The following PRICKLE1 variants were observed in gnomAD, a reference collection of about 807,000 sequenced individuals.
The protein encoded by PRICKLE1 is prickle-like protein 1.
Under a neutral mutation model 70.2 loss-of-function variants are expected in PRICKLE1, and 14 were observed. That is an observed-to-expected ratio of 0.20 (90% CI 0.13 to 0.31). PRICKLE1 has a LOEUF of 0.31. Among genes scored for constraint, PRICKLE1 ranks in the 10% least tolerant of loss-of-function variants. The probability of loss-of-function intolerance (pLI) is 1.00; values close to 1 mark genes in which losing one functional copy is unlikely to be tolerated. For missense variants in PRICKLE1, 821 were observed against 1,026.2 expected, an observed-to-expected ratio of 0.80 and a Z score of 2.73; for synonymous variants, 357 against 379.9, an observed-to-expected ratio of 0.94 and a Z score of 0.70.
intron 1 of PRICKLE1, among the ~76,000 whole-genome samples, chr12:42,573,674 A>G (rs1940759180): frequency 6.6e-6 from 1 of 151,888 alleles, no homozygotes; most frequent in Non-Finnish European, 1.5e-5. Context: ...GGCTCAATCA[A>G]TCCTCCAATG....
At chr12:42,576,043 A>G in intron 1 of PRICKLE1, among the ~76,000 whole-genome samples, 1 of 152,154 alleles carries the variant, frequency 6.6e-6, no homozygotes, top group East Asian at 1.9e-4. Flanking sequence ...GAAAAACTGA[A>G]CCACTCCTAT....
intron 1 of PRICKLE1, among the ~76,000 whole-genome samples, chr12:42,573,225 GCAAAA>G (rs956118194): frequency 2.0e-5 from 3 of 152,104 alleles, no homozygotes; most frequent in African/African-American, 7.2e-5. Flanking sequence ...AAATATTAGA[GCAAAA>G]TAACAGAATT....
At chr12:42,504,734 A>G (rs994818416) in intron 1 of PRICKLE1, among the ~76,000 whole-genome samples, 5 of 152,222 alleles carry the variant, frequency 3.3e-5, no homozygotes, top group African/African-American at 1.2e-4. Context: ...ACCCCCGGAC[A>G]TTTAGACAGC....
In PRICKLE1 at chr12:42,475,646, C is replaced by G. The variant is rs1378038676; in HGVS notation, c.-48-3082G>C. On this transcript the variant is annotated intron_variant, in intron 1 of 7. Coordinates refer to ENST00000345127, the MANE Select transcript of PRICKLE1 (RefSeq NM_153026.3). ...GGAAGGCATTTTAAGGATATACAGT[C>G]AAAAAGGATTGTAAAAATTCAATGG... 4.0e-5 allele frequency among the ~76,000 whole-genome samples: 6 copies of G among 148,270 alleles called. No homozygotes were observed. The South Asian group carries it at 8.3e-4, about 21-fold the overall frequency.
At chr12:42,559,961 TTCCCTAAACATTATTTC>T (rs1327185524) in intron 1 of PRICKLE1, among the ~76,000 whole-genome samples, 1 of 151,968 alleles carries the variant, frequency 6.6e-6, no homozygotes, top group African/African-American at 2.4e-5. Flanking sequence ...TCCTATCATG[TTCCCTAAACATTATTTC>T]ACAAAATTAA....
At chr12:42,514,047 C>T (rs896404359) in intron 1 of PRICKLE1, among the ~76,000 whole-genome samples, 3 of 152,122 alleles carry the variant, frequency 2.0e-5, no homozygotes, top group African/African-American at 7.2e-5. Flanking sequence ...TGGATACAAT[C>T]TCATTGTATA....
At chr12:42,579,304 G>A (rs570329418) in intron 1 of PRICKLE1, among the ~76,000 whole-genome samples, 1 of 152,288 alleles carries the variant, frequency 6.6e-6, no homozygotes, top group East Asian at 1.9e-4. Context: ...AGACCTGAAG[G>A]GACAGAGTGA....
At chr12:42,557,400 G>A (rs993368510) in intron 1 of PRICKLE1, among the ~76,000 whole-genome samples, 9 of 152,106 alleles carry the variant, frequency 5.9e-5, no homozygotes, top group Non-Finnish European at 1.0e-4. Context: ...TTGGGAAAAC[G>A]CATTTCACAT....
At chr12:42,526,253 T>A (rs200131711) in intron 1 of PRICKLE1, among the ~76,000 whole-genome samples, 11 of 144,034 alleles carry the variant, frequency 7.6e-5, no homozygotes, top group African/African-American at 2.5e-4. Context: ...CTTTTTTTTT[T>A]AAATGCTGTA....
intron 2 of PRICKLE1, 85 bp from the exon 3 acceptor site, chr12:42,470,444 G>C: frequency 2.1e-6 from 2 of 965,212 alleles, no homozygotes; most frequent in Non-Finnish European, 3.3e-6. Context: ...CCTTTCCCTA[G>C]GTACAGGGTT....
At chr12:42,516,368 G>A (rs755642117) in intron 1 of PRICKLE1, among the ~76,000 whole-genome samples, 4 of 151,968 alleles carry the variant, frequency 2.6e-5, no homozygotes, top group African/African-American at 4.8e-5. Context: ...TCCTGACCTC[G>A]TGATCCGCCT....
rs141032000 is a variant in PRICKLE1 at position 42,574,238 on chromosome 12, T to C, written c.-49+15227A>G. 3.2e-3 allele frequency among the ~76,000 whole-genome samples: 480 copies of C among 152,340 alleles called. 2 individuals carry two copies. The highest frequency in any genetic ancestry group is 0.01 in the African/African-American group (427 of 41,576). On this transcript the variant is annotated intron_variant, in intron 1 of 7. Coordinates refer to ENST00000345127, the MANE Select transcript of PRICKLE1 (RefSeq NM_153026.3). ...AATTCAAATTTAACTAGGTATCTTGTGTGTGTTTATAAATATAGCTGCCTT... is the reference window on the plus strand; with the variant it reads ...AATTCAAATTTAACTAGGTATCTTGCGTGTGTTTATAAATATAGCTGCCTT...
At chr12:42,577,686 G>A (rs1466807366) in intron 1 of PRICKLE1, among the ~76,000 whole-genome samples, 1 of 152,164 alleles carries the variant, frequency 6.6e-6, no homozygotes, top group Non-Finnish European at 1.5e-5. Context: ...GAGGCACAGA[G>A]TGGGTACGAA....
chr12:42,562,506 A>G (rs1940533633), intron 1 of PRICKLE1, among the ~76,000 whole-genome samples: 1 of 152,202 alleles, frequency 6.6e-6, no homozygotes, highest in Non-Finnish European at 1.5e-5. Context: ...TGAAAATACC[A>G]AAACACAGCA....
intron 1 of PRICKLE1, among the ~76,000 whole-genome samples, chr12:42,570,786 C>T (rs1488092534): frequency 1.3e-5 from 2 of 152,154 alleles, no homozygotes; most frequent in African/African-American, 4.8e-5. Flanking sequence ...TACCACTGCA[C>T]TCCAGCCTGG....
intron 1 of PRICKLE1, among the ~76,000 whole-genome samples, chr12:42,552,066 T>A (rs1485690012): frequency 5.3e-5 from 1 of 19,002 alleles, no homozygotes; most frequent in Admixed American, 3.1e-4. Context: ...TTACTTTTTT[T>A]TTTTTTTTTT....
intron 1 of PRICKLE1, among the ~76,000 whole-genome samples, chr12:42,512,414 G>T (rs1050581669): frequency 1.3e-5 from 2 of 152,096 alleles, no homozygotes; most frequent in African/African-American, 4.8e-5. Context: ...CCTTAAAAGC[G>T]ATCCACCCGC....
intron 1 of PRICKLE1, among the ~76,000 whole-genome samples, chr12:42,544,852 TG>T (rs1940179030): frequency 6.6e-6 from 1 of 152,192 alleles, no homozygotes; most frequent in African/African-American, 2.4e-5. Flanking sequence ...CAAAATAATA[TG>T]TAGAGACTAC....
At chr12:42,505,449 G>C (rs1939392016) in intron 1 of PRICKLE1, among the ~76,000 whole-genome samples, 1 of 151,982 alleles carries the variant, frequency 6.6e-6, no homozygotes, top group South Asian at 2.1e-4. Flanking sequence ...TTTTGTTTTT[G>C]TTTTGAGACA....
Sources: gnomAD v4.1 joint callset for allele counts (sites outside exome capture counted in the v4.1 genomes callset) on GRCh38, gnomAD v4.1.1 for gene constraint, MANE v1.5 for transcripts, NCBI Gene and HGNC (gene_info 2026-07-23, HGNC 2026-07-21) for gene names.